Variants in GOLGA8B observed in about 807,000 individuals in gnomAD.
GOLGA8B encodes the protein golgin A8 family member B.
Under a neutral mutation model 15.6 loss-of-function variants are expected in GOLGA8B, and 1 was observed. The observed-to-expected ratio is 0.06, with a 90% CI of 0.02 to 0.30. The LOEUF is 0.30. Among genes scored for constraint, GOLGA8B ranks in the 10% least tolerant of loss-of-function variants. The probability of loss-of-function intolerance (pLI) is 1.00; values close to 1 mark genes in which losing one functional copy is unlikely to be tolerated. For synonymous variants in GOLGA8B, 9 were observed against 80.3 expected (o/e 0.11, Z 4.75); for missense variants, 17 against 201.3 (o/e 0.08, Z 5.54).
At chr15:34,570,130 TG>T (rs1888874243) in intron 1 of GOLGA8B, among the ~76,000 whole-genome samples, 1 of 152,086 alleles carries the variant, frequency 6.6e-6, no homozygotes, top group South Asian at 2.1e-4. Context: ...CACCACTGCC[TG>T]GGGGTCCTCA....
Position 34,525,482 on chromosome 15 carries a change from C to G in GOLGA8B, c.*2150G>C, listed in dbSNP as rs1894422498. ...GCATTTCTTTCTCTACTTTTCCTTC[C>G]CACCATTTCTTTCTTTTAAACTACA... On this transcript the variant is annotated 3_prime_UTR_variant, in exon 24 of 24. Coordinates refer to ENST00000683415, the MANE Select transcript of GOLGA8B (RefSeq NM_001023567.5). 6.7e-6 allele frequency: 1 copy of G among 149,768 alleles called. No individual in the cohort carries two copies. The highest frequency in any genetic ancestry group is 2.2e-4 in the South Asian group (1 of 4,648). The allele number at this position is 149,768 out of a possible 1,614,324, so 9.3% of individuals were successfully genotyped here. A position where few individuals can be genotyped will look rare whatever the true frequency, so the allele number is the denominator to read the frequency against.
chr15:34,582,099 C>T (rs1437102326), intron 1 of GOLGA8B, among the ~76,000 whole-genome samples: 4 of 152,210 alleles, frequency 2.6e-5, no homozygotes, highest in African/African-American at 7.2e-5. Context: ...AAGGGGGAGG[C>T]AGCCCCCACG....
intron 1 of GOLGA8B, among the ~76,000 whole-genome samples, chr15:34,579,556 T>G (rs1344586292): frequency 6.6e-6 from 1 of 152,184 alleles, no homozygotes. Flanking sequence ...GAAAGCTCAT[T>G]CTTTGGGCTG....
At chr15:34,559,926 C>A (rs977481764) in intron 1 of GOLGA8B, among the ~76,000 whole-genome samples, 1 of 149,566 alleles carries the variant, frequency 6.7e-6, no homozygotes, top group African/African-American at 2.5e-5. Context: ...GGCCTGTGGA[C>A]CTGCGGACCT....
intron 1 of GOLGA8B, among the ~76,000 whole-genome samples, chr15:34,576,875 C>A (rs1889097856): frequency 6.6e-6 from 1 of 152,210 alleles, no homozygotes; most frequent in Non-Finnish European, 1.5e-5. Flanking sequence ...GTAAAACACT[C>A]ACACATCCTA....
chr15:34,574,188 A>G (rs2554778), intron 1 of GOLGA8B, among the ~76,000 whole-genome samples: 2 of 152,302 alleles, frequency 1.3e-5, no homozygotes, highest in East Asian at 1.9e-4. Flanking sequence ...ATGAACCACA[A>G]CATAATATTA....
intron 3 of GOLGA8B, among the ~76,000 whole-genome samples, chr15:34,551,693 T>A (rs1415419438): frequency 8.3e-6 from 1 of 120,408 alleles, no homozygotes; most frequent in African/African-American, 3.1e-5. Flanking sequence ...GTAGCTGGGA[T>A]TTCAGACACC....
At chr15:34,581,797 C>A (rs1317864559) in intron 1 of GOLGA8B, among the ~76,000 whole-genome samples, 1 of 152,176 alleles carries the variant, frequency 6.6e-6, no homozygotes. Flanking sequence ...AAGAGCCAGA[C>A]AGTGGGGACG....
chr15:34,583,076 A>G (rs1214676549), intron 1 of GOLGA8B, among the ~76,000 whole-genome samples: 1 of 152,154 alleles, frequency 6.6e-6, no homozygotes, highest in African/African-American at 2.4e-5. Context: ...AGGCGACCCC[A>G]AACTCAGTAG....
At chr15:34,582,451 C>T (rs1044550360) in intron 1 of GOLGA8B, among the ~76,000 whole-genome samples, 2 of 152,230 alleles carry the variant, frequency 1.3e-5, no homozygotes, top group African/African-American at 4.8e-5. Flanking sequence ...GGCAGTTTAG[C>T]CCAAAAACAA....
At chr15:34,571,987 G>C (rs1292566232) in intron 1 of GOLGA8B, among the ~76,000 whole-genome samples, 1 of 152,122 alleles carries the variant, frequency 6.6e-6, no homozygotes, top group Non-Finnish European at 1.5e-5. Context: ...CACAAATCAA[G>C]AGAAAAACAG....
At chr15:34,577,507 TACACACACACACACACACACACACACAC>T (rs71119972) in intron 1 of GOLGA8B, among the ~76,000 whole-genome samples, 7 of 125,224 alleles carry the variant, frequency 5.6e-5, no homozygotes, top group African/African-American at 1.2e-4. Flanking sequence ...TTATATATCA[TACACACACACACACACACACACACACAC>T]ACACACACAC....
At chr15:34,563,632 A>G (rs1476984922) in intron 1 of GOLGA8B, among the ~76,000 whole-genome samples, 2 of 151,956 alleles carry the variant, frequency 1.3e-5, no homozygotes, top group African/African-American at 4.8e-5. Context: ...CCTCAGGAAA[A>G]AGAGCAGATG....
At chr15:34,571,553 T>C (rs1888913692) in intron 1 of GOLGA8B, among the ~76,000 whole-genome samples, 1 of 147,832 alleles carries the variant, frequency 6.8e-6, no homozygotes, top group East Asian at 2.0e-4. Flanking sequence ...ACTTAACCCA[T>C]GACAAACCTG....
rs1894421604 is a variant in GOLGA8B, at chr15:34,525,432, C to G, written c.*2200G>C. On this transcript the variant is annotated 3_prime_UTR_variant, in exon 24 of 24. Transcript: ENST00000683415. ...TAAAATTCATTCTAAGAAAACTTGG[C>G]AAACAAAGCTTTGGACTGGAATTGG... is the stretch of plus-strand genomic sequence containing the variant. The G allele has an allele frequency of 1.3e-5, 2 of 149,950 alleles. No homozygotes were observed. Among genetic ancestry groups the G allele is most frequent in the Admixed American group, 1.4e-4 (2 of 14,798 alleles). 9.3% of individuals were successfully genotyped at this position (149,950 alleles called of 1,614,324 possible). A position where few individuals can be genotyped will look rare whatever the true frequency, so the allele number is the denominator to read the frequency against.
chr15:34,581,883 C>A (rs1402970063), intron 1 of GOLGA8B, among the ~76,000 whole-genome samples: 2 of 152,172 alleles, frequency 1.3e-5, no homozygotes, highest in African/African-American at 4.8e-5. Context: ...CCAGTCCCAG[C>A]CCAGCCAGGG....
chr15:34,572,979 G>C (rs1350337442), intron 1 of GOLGA8B, among the ~76,000 whole-genome samples: 2 of 152,192 alleles, frequency 1.3e-5, no homozygotes, highest in Non-Finnish European at 2.9e-5. Context: ...GCCAGGTACA[G>C]TGGCATGTAC....
At chr15:34,573,639 A>T (rs1344827253) in intron 1 of GOLGA8B, among the ~76,000 whole-genome samples, 1 of 152,108 alleles carries the variant, frequency 6.6e-6, no homozygotes, top group African/African-American at 2.4e-5. Flanking sequence ...AACATGCTTT[A>T]AAGTCCAATT....
At chr15:34,574,119 C>G (rs1440867936) in intron 1 of GOLGA8B, among the ~76,000 whole-genome samples, 1 of 152,136 alleles carries the variant, frequency 6.6e-6, no homozygotes, top group Non-Finnish European at 1.5e-5. Flanking sequence ...CATCCCCACT[C>G]CCACTGCCCG....
Sources: gnomAD v4.1 joint callset for allele counts (sites outside exome capture counted in the v4.1 genomes callset) on GRCh38, gnomAD v4.1.1 for gene constraint, MANE v1.5 for transcripts, NCBI Gene and HGNC (gene_info 2026-07-23, HGNC 2026-07-21) for gene names.